KCNMA1: variants seen among roughly 807,000 people sequenced by gnomAD.
KCNMA1 encodes the protein potassium calcium-activated channel subfamily M alpha 1.
KCNMA1 carries 29 observed loss-of-function variants against 140.0 expected under a neutral mutation model. The ratio of observed to expected loss-of-function variants is 0.21; its 90% CI spans 0.15 to 0.28. The LOEUF is 0.28. Among genes scored for constraint, KCNMA1 ranks in the 10% least tolerant of loss-of-function variants. The probability of loss-of-function intolerance (pLI) is 1.00; values close to 1 mark genes in which losing one functional copy is unlikely to be tolerated. For synonymous variants in KCNMA1, 612 were observed against 611.9 expected, an observed-to-expected ratio of 1.00 and a Z score of 0.00; for missense variants, 880 against 1,602.2, an observed-to-expected ratio of 0.55 and a Z score of 7.70.
intron 20 of KCNMA1, among the ~76,000 whole-genome samples, chr10:76,962,565 A>G (rs2072044696): frequency 6.6e-6 from 1 of 152,168 alleles, no homozygotes; most frequent in Non-Finnish European, 1.5e-5. Flanking sequence ...CATTTCTCAG[A>G]CTTCACAGTT....
Position 77,612,126 on chromosome 10 carries a change from A to G in KCNMA1, c.378+25139T>C, listed in dbSNP as rs118143723. Among the ~76,000 whole-genome samples the G allele has an allele frequency of 2.2e-3, 338 of 152,236 alleles. 2 individuals are homozygous for G. Among genetic ancestry groups the G allele is most frequent in the Non-Finnish European group, 4.0e-3 (270 of 68,012 alleles). On this transcript the variant is annotated intron_variant, in intron 1 of 27. Transcript: ENST00000286628. ...TCCAAAAACATCCTCCCAAGAACAT[A>G]TGGAGGCCACAGGACATCAGAGCCC...
intron 9 of KCNMA1, among the ~76,000 whole-genome samples, chr10:77,098,572 CT>C (rs1228628434): frequency 1.4e-5 from 2 of 142,874 alleles, no homozygotes; most frequent in Non-Finnish European, 3.1e-5. Flanking sequence ...GTACCCTAAC[CT>C]TTAAAAAAAA....
At chr10:76,961,802 A>C (rs1200443770) in intron 20 of KCNMA1, among the ~76,000 whole-genome samples, 2 of 152,222 alleles carry the variant, frequency 1.3e-5, no homozygotes, top group Non-Finnish European at 2.9e-5. Flanking sequence ...TTAGGAGTAA[A>C]TTATTTTAAT....
chr10:77,325,854 T>C (rs1287197697), intron 2 of KCNMA1, among the ~76,000 whole-genome samples: 1 of 152,304 alleles, frequency 6.6e-6, no homozygotes, highest in East Asian at 1.9e-4. Context: ...AATACTTCTG[T>C]AGCTCCCTCT....
At position 76,914,030 on chromosome 10, in the gene KCNMA1, G is replaced by A. The variant is rs537570133; in HGVS notation, c.3016+906C>T. 1.4e-4 allele frequency: 203 copies of A among 1,488,324 alleles called. No homozygotes were observed. The African/African-American group carries it at 2.6e-3, about 19-fold the overall frequency. The allele number at this position is 1,488,324 out of a possible 1,614,324, so 92.2% of individuals were successfully genotyped here. On this transcript the variant is annotated intron_variant, in intron 24 of 27. Coordinates refer to ENST00000286628, the MANE Select transcript of KCNMA1 (RefSeq NM_001161352.2). ...CAACAACAGAACAAAAGGAGATACT[G>A]ATGTGAAGGAAAACAGTGCTTCTTA... is the stretch of plus-strand genomic sequence containing the variant.
intron 27 of KCNMA1, chr10:76,887,955 T>C (rs1322057327): frequency 1.1e-5 from 2 of 182,014 alleles, no homozygotes; most frequent in East Asian, 1.4e-4. Flanking sequence ...ATTCTCGCTC[T>C]TTACCTTTTA....
At chr10:76,975,562 A>T (rs2077228209) in intron 19 of KCNMA1, among the ~76,000 whole-genome samples, 1 of 152,204 alleles carries the variant, frequency 6.6e-6, no homozygotes, top group African/African-American at 2.4e-5. Flanking sequence ...GGGGAATGCC[A>T]TGTGTCCATC....
At chr10:77,089,099 G>A (rs924299305) in intron 10 of KCNMA1, among the ~76,000 whole-genome samples, 3 of 152,296 alleles carry the variant, frequency 2.0e-5, no homozygotes, top group Admixed American at 1.3e-4. Flanking sequence ...GGAACCTGTG[G>A]GTACCTGCTC....
intron 2 of KCNMA1, among the ~76,000 whole-genome samples, chr10:77,321,076 T>A (rs956289929): frequency 1.3e-5 from 2 of 152,232 alleles, no homozygotes; most frequent in African/African-American, 4.8e-5. Context: ...TCTAGCAGCT[T>A]AATATTTTGC....
intron 3 of KCNMA1, among the ~76,000 whole-genome samples, chr10:77,242,899 T>TACACACACAC (rs199668848): frequency 0.024 from 2,717 of 111,514 alleles, 40 homozygotes; most frequent in African/African-American, 0.038. Flanking sequence ...AATTGTTTCC[T>TACACACACAC]ACACACACAC....
At chr10:77,452,340 C>T (rs1035569409) in intron 1 of KCNMA1, among the ~76,000 whole-genome samples, 2 of 152,136 alleles carry the variant, frequency 1.3e-5, no homozygotes, top group African/African-American at 4.8e-5. Context: ...ACATGGCTGA[C>T]ATCCAGCCAG....
chr10:77,009,915 T>C (rs2153447872), intron 18 of KCNMA1, among the ~76,000 whole-genome samples: 1 of 152,286 alleles, frequency 6.6e-6, no homozygotes, highest in Middle Eastern at 3.4e-3. Context: ...ATTTATTTAT[T>C]TACATCATCA....
intron 1 of KCNMA1, among the ~76,000 whole-genome samples, chr10:77,506,858 TG>T: frequency 6.6e-6 from 1 of 150,598 alleles, no homozygotes. Context: ...TGTGTGTGTG[TG>T]TGTGTGTGTG....
chr10:77,256,705 C>T (rs939989108), intron 2 of KCNMA1, among the ~76,000 whole-genome samples: 6 of 152,098 alleles, frequency 3.9e-5, no homozygotes, highest in African/African-American at 1.2e-4. Context: ...ATTAATGATT[C>T]TGCATGTTTG....
intron 2 of KCNMA1, among the ~76,000 whole-genome samples, chr10:77,258,828 T>C (rs909721813): frequency 6.6e-6 from 1 of 152,032 alleles, no homozygotes. Context: ...CTGGGTGTGG[T>C]GGCACACACC....
At chr10:77,428,895 A>C (rs1835100185) in intron 1 of KCNMA1, among the ~76,000 whole-genome samples, 1 of 152,162 alleles carries the variant, frequency 6.6e-6, no homozygotes, top group African/African-American at 2.4e-5. Context: ...TGGGTTTTGA[A>C]ATCCAAGTTT....
chr10:77,199,577 C>T (rs983171078), intron 3 of KCNMA1, among the ~76,000 whole-genome samples: 3 of 152,152 alleles, frequency 2.0e-5, no homozygotes, highest in Admixed American at 1.3e-4. Flanking sequence ...ATGATGGATG[C>T]TATGTCAGTG....
chr10:77,052,052 T>C (rs953129961), intron 14 of KCNMA1, among the ~76,000 whole-genome samples: 2 of 152,208 alleles, frequency 1.3e-5, no homozygotes, highest in Admixed American at 1.3e-4. Context: ...ATGCTGATGA[T>C]AGACAAGATA....
At chr10:76,899,900 A>G (rs903114514) in intron 25 of KCNMA1, among the ~76,000 whole-genome samples, 4 of 152,150 alleles carry the variant, frequency 2.6e-5, no homozygotes, top group Non-Finnish European at 5.9e-5. Context: ...TTTTAAAAGT[A>G]GGATCCCCAA....
Sources: gnomAD v4.1 joint callset for allele counts (sites outside exome capture counted in the v4.1 genomes callset) on GRCh38, gnomAD v4.1.1 for gene constraint, MANE v1.5 for transcripts, NCBI Gene and HGNC (gene_info 2026-07-23, HGNC 2026-07-21) for gene names.